Variants in GPM6A observed in about 807,000 individuals in gnomAD.
The protein encoded by GPM6A is neuronal membrane glycoprotein M6-a.
In GPM6A, 7 loss-of-function variants were observed where a neutral mutation model predicts 32.1. The observed-to-expected ratio is 0.22, with a 90% CI of 0.12 to 0.41. GPM6A has a LOEUF of 0.41. Ranked by LOEUF, GPM6A falls within the 10% of genes least tolerant of loss-of-function variation. GPM6A has a pLI of 1.00. For missense variants in GPM6A, 235 were observed against 347.2 expected, an observed-to-expected ratio of 0.68 and a Z score of 2.57; for synonymous variants, 130 against 123.4, an observed-to-expected ratio of 1.05 and a Z score of -0.35.
chr4:175,764,939 T>C (rs960853373), intron 1 of GPM6A, among the ~76,000 whole-genome samples: 2 of 151,476 alleles, frequency 1.3e-5, no homozygotes, highest in African/African-American at 4.8e-5. Context: ...AATGGCGCCA[T>C]CTCAGCTCAC....
At position 175,634,627 on chromosome 4, in the gene GPM6A, TTAG is replaced by T. The variant is rs1740473196; in HGVS notation, c.*275_*277del. 1 of 320,974 alleles carries T rather than the reference TTAG, an allele frequency of 3.1e-6. No individual in the cohort carries two copies. Among genetic ancestry groups the T allele is most frequent in the Non-Finnish European group, 5.7e-6 (1 of 176,030 alleles). 19.9% of individuals were successfully genotyped at this position (320,974 alleles called of 1,614,324 possible). On this transcript the variant is annotated 3_prime_UTR_variant, in exon 7 of 7. Coordinates refer to ENST00000393658, the MANE Select transcript of GPM6A (RefSeq NM_201591.3). ...AAACAAATCTTTGCATTTGACAATGTTAGTATCTTTGATTTTACAGAACTAGTA... is the reference window on the plus strand; with the variant it reads ...AAACAAATCTTTGCATTTGACAATGTTATCTTTGATTTTACAGAACTAGTA...
chr4:175,709,496 G>A (rs574216319), intron 1 of GPM6A, among the ~76,000 whole-genome samples: 31 of 152,088 alleles, frequency 2.0e-4, no homozygotes, highest in South Asian at 6.2e-4. Flanking sequence ...TTAGGAGGCC[G>A]ACGTGAGTGG....
At chr4:175,981,370 C>G (rs1214932714) in intron 1 of GPM6A, among the ~76,000 whole-genome samples, 1 of 152,122 alleles carries the variant, frequency 6.6e-6, no homozygotes, top group Non-Finnish European at 1.5e-5. Context: ...AGAGATAGAA[C>G]AATTTTTCAT....
chr4:175,975,986 TA>T (rs35020153), intron 1 of GPM6A, among the ~76,000 whole-genome samples: 151,654 of 151,934 alleles, frequency 1, 75,688 homozygotes, highest in Middle Eastern at 1. Flanking sequence ...ATGCTAGGAA[TA>T]AAAAAAAACT....
At chr4:175,757,930 C>T (rs1447286389) in intron 1 of GPM6A, among the ~76,000 whole-genome samples, 1 of 152,064 alleles carries the variant, frequency 6.6e-6, no homozygotes, top group Non-Finnish European at 1.5e-5. Context: ...AGGTTAAAAG[C>T]CTAATATCAT....
intron 1 of GPM6A, among the ~76,000 whole-genome samples, chr4:175,779,388 C>A (rs1733524163): frequency 6.6e-6 from 1 of 152,182 alleles, no homozygotes; most frequent in Admixed American, 6.5e-5. Flanking sequence ...TTACGTCATT[C>A]TTTTCCAAAG....
intron 1 of GPM6A, among the ~76,000 whole-genome samples, chr4:175,722,458 A>G (rs1188731983): frequency 6.6e-6 from 1 of 152,132 alleles, no homozygotes; most frequent in Non-Finnish European, 1.5e-5. Flanking sequence ...TTGCAATCTT[A>G]AGCTCCCGCA....
At chr4:175,659,002 G>C (rs1479651643) in intron 3 of GPM6A, among the ~76,000 whole-genome samples, 1 of 152,068 alleles carries the variant, frequency 6.6e-6, no homozygotes. Context: ...TGAGTGTAAG[G>C]GCTGAAAATA....
chr4:175,741,451 G>A (rs189234369), intron 1 of GPM6A, among the ~76,000 whole-genome samples: 2 of 152,056 alleles, frequency 1.3e-5, no homozygotes, highest in Non-Finnish European at 2.9e-5. Context: ...ATGTATCTGA[G>A]GATATAATTG....
At chr4:175,649,952 G>A (rs1218941649) in intron 4 of GPM6A, among the ~76,000 whole-genome samples, 1 of 152,154 alleles carries the variant, frequency 6.6e-6, no homozygotes, top group Admixed American at 6.6e-5. Context: ...TTTAGGATCA[G>A]CAGAATAAAA....
chr4:175,803,053 A>G (rs1006393539), intron 1 of GPM6A, among the ~76,000 whole-genome samples: 1 of 151,906 alleles, frequency 6.6e-6, no homozygotes, highest in African/African-American at 2.4e-5. Context: ...TAGGGGAAAA[A>G]TTGTGTTTTA....
chr4:175,684,060 A>C (rs1168215920), intron 2 of GPM6A, among the ~76,000 whole-genome samples: 2 of 151,840 alleles, frequency 1.3e-5, no homozygotes, highest in Admixed American at 1.3e-4. Flanking sequence ...CAAACTCCTG[A>C]CCTCGTGATC....
At chr4:175,933,020 A>C (rs1739100535) in intron 1 of GPM6A, among the ~76,000 whole-genome samples, 2 of 152,158 alleles carry the variant, frequency 1.3e-5, no homozygotes, top group East Asian at 3.9e-4. Flanking sequence ...GTCAGTCTAT[A>C]AAAAAACACC....
intron 1 of GPM6A, among the ~76,000 whole-genome samples, chr4:175,898,695 T>C (rs1737866939): frequency 6.6e-6 from 1 of 152,162 alleles, no homozygotes; most frequent in Non-Finnish European, 1.5e-5. Flanking sequence ...TCAAAAAATA[T>C]GTGCTAAATG....
intron 1 of GPM6A, among the ~76,000 whole-genome samples, chr4:175,838,749 A>G (rs2111381161): frequency 7.1e-6 from 1 of 141,178 alleles, no homozygotes; most frequent in Admixed American, 7.7e-5. Flanking sequence ...TTACCTCCTG[A>G]TTCAGGCGAT....
chr4:175,646,092 C>T (rs1425924037), intron 4 of GPM6A, among the ~76,000 whole-genome samples: 1 of 152,094 alleles, frequency 6.6e-6, no homozygotes, highest in South Asian at 2.1e-4. Flanking sequence ...ACATTGATGC[C>T]ACCTGGATAA....
intron 2 of GPM6A, among the ~76,000 whole-genome samples, chr4:175,694,335 G>T (rs1398453805): frequency 6.6e-6 from 1 of 152,214 alleles, no homozygotes; most frequent in African/African-American, 2.4e-5. Context: ...ATGAGGGAAA[G>T]TTTGGAACTT....
chr4:175,686,211 G>C (rs1743973943), intron 2 of GPM6A, among the ~76,000 whole-genome samples: 1 of 152,184 alleles, frequency 6.6e-6, no homozygotes, highest in African/African-American at 2.4e-5. Context: ...GATTACTGTG[G>C]TCAGCTATAA....
chr4:175,698,539 T>A (rs1744698604), intron 2 of GPM6A, among the ~76,000 whole-genome samples: 1 of 152,128 alleles, frequency 6.6e-6, no homozygotes. Flanking sequence ...AATATCTACC[T>A]CCTCGAAACC....
Sources: gnomAD v4.1 joint callset for allele counts (sites outside exome capture counted in the v4.1 genomes callset) on GRCh38, gnomAD v4.1.1 for gene constraint, MANE v1.5 for transcripts, NCBI Gene and HGNC (gene_info 2026-07-23, HGNC 2026-07-21) for gene names.